TRAPPC9: variants seen among roughly 807,000 people sequenced by gnomAD.
TRAPPC9 encodes trafficking protein particle complex subunit 9, also known as IKK2 binding protein.
In TRAPPC9, 83 loss-of-function variants were observed where a neutral mutation model predicts 124.0. The observed-to-expected ratio is 0.67, with a 90% confidence interval of 0.56 to 0.80. The LOEUF is 0.80. TRAPPC9 is among the 30% of genes least tolerant of loss of function. The probability of loss-of-function intolerance (pLI) is 0.00; values close to 1 mark genes in which losing one functional copy is unlikely to be tolerated. For synonymous variants in TRAPPC9, 638 were observed against 617.5 expected (o/e 1.03, Z -0.49); for missense variants, 1,302 against 1,508.3 (o/e 0.86, Z 2.27).
intron 19 of TRAPPC9, among the ~76,000 whole-genome samples, chr8:139,925,802 AGCACAC>A (rs1055607324): frequency 5.9e-4 from 86 of 146,548 alleles, no homozygotes; most frequent in Middle Eastern, 3.4e-3. Context: ...TTGACTACCC[AGCACAC>A]GCACACGCAC....
intron 17 of TRAPPC9, among the ~76,000 whole-genome samples, chr8:140,147,974 TC>T (rs1258133958): frequency 6.6e-6 from 1 of 152,200 alleles, no homozygotes; most frequent in African/African-American, 2.4e-5. Context: ...ATGCACTTAT[TC>T]TCCTGCTCGA....
intron 21 of TRAPPC9, among the ~76,000 whole-genome samples, chr8:139,844,737 T>C (rs1826961571): frequency 6.6e-6 from 1 of 152,162 alleles, no homozygotes; most frequent in African/African-American, 2.4e-5. Flanking sequence ...GAAAATAGAA[T>C]TGTTTTTCAT....
chr8:140,224,406 T>G (rs2063401005), intron 16 of TRAPPC9, among the ~76,000 whole-genome samples: 1 of 152,188 alleles, frequency 6.6e-6, no homozygotes, highest in South Asian at 2.1e-4. Context: ...CCTGCAGATT[T>G]CAGAAGAGTT....
In TRAPPC9 at chr8:140,442,905, C is replaced by A. The variant is rs563630726; in HGVS notation, c.585-3708G>T. 1.7e-4 allele frequency among the ~76,000 whole-genome samples: 26 copies of A among 151,978 alleles called. 1 individual carries two copies. Among genetic ancestry groups the A allele is most frequent in the Non-Finnish European group, 2.9e-4 (20 of 67,970 alleles). On this transcript the variant is annotated intron_variant, in intron 2 of 22. Transcript: ENST00000438773. ...ATCCCAGCACTATGGGAGGCCGAGG[C>A]AGGCGGATCACAAAGTTAAGAGATA...
intron 7 of TRAPPC9, among the ~76,000 whole-genome samples, chr8:140,393,032 TTTTTATTTTATTTTA>T (rs200195467): frequency 0.039 from 5,425 of 138,064 alleles, 203 homozygotes; most frequent in African/African-American, 0.1. Flanking sequence ...TCCCATTTTA[TTTTTATTTTATTTTA>T]TTTTATTTTA....
intron 19 of TRAPPC9, among the ~76,000 whole-genome samples, chr8:139,939,630 G>A (rs889088119): frequency 4.6e-5 from 7 of 152,194 alleles, no homozygotes; most frequent in Non-Finnish European, 1.0e-4. Context: ...TGGCAGCCCC[G>A]TGTCCCAGGC....
intron 11 of TRAPPC9, among the ~76,000 whole-genome samples, chr8:140,298,847 T>C (rs1305249854): frequency 6.6e-6 from 1 of 152,232 alleles, no homozygotes; most frequent in Non-Finnish European, 1.5e-5. Flanking sequence ...TCATAATATG[T>C]ACCCCATCCA....
At chr8:139,830,171 C>T (rs56097365) in intron 21 of TRAPPC9, among the ~76,000 whole-genome samples, 15,607 of 152,256 alleles carry the variant, frequency 0.1, 868 homozygotes, top group South Asian at 0.13. Flanking sequence ...CTGACGTGCA[C>T]GTGCACACAC....
chr8:139,880,955 C>T (rs1829643960), intron 21 of TRAPPC9: 1 of 152,258 alleles, frequency 6.6e-6, no homozygotes, highest in Admixed American at 6.5e-5. Flanking sequence ...CTCCTGAAGG[C>T]AGAAATGCCT....
At chr8:140,154,174 C>T (rs191273261) in intron 17 of TRAPPC9, among the ~76,000 whole-genome samples, 1 of 152,274 alleles carries the variant, frequency 6.6e-6, no homozygotes, top group East Asian at 1.9e-4. Context: ...TCCCACGTGC[C>T]CTAGCTCAAG....
rs116070477 is a variant in TRAPPC9, at chr8:140,267,297, C to T, written c.2278+8361G>A. Among the ~76,000 whole-genome samples, 414 of 152,278 alleles carry T rather than the reference C, an allele frequency of 2.7e-3. 1 individual carries two copies. Among genetic ancestry groups the T allele is most frequent in the African/African-American group, 9.1e-3 (380 of 41,552 alleles). ...GCAGGCTCCTGCAGGCACCAGGCAC[C>T]GGCATGCAAACGTGGTCTGCAGAAA... On this transcript the variant is annotated intron_variant, in intron 15 of 22. Coordinates refer to ENST00000438773, the MANE Select transcript of TRAPPC9 (RefSeq NM_001160372.4).
intron 8 of TRAPPC9, among the ~76,000 whole-genome samples, chr8:140,368,401 CTT>C (rs2068183685): frequency 6.6e-6 from 1 of 152,210 alleles, no homozygotes; most frequent in South Asian, 2.1e-4. Flanking sequence ...GCTTTTATCA[CTT>C]GCCCAGAGTG....
intron 15 of TRAPPC9, among the ~76,000 whole-genome samples, chr8:140,269,973 AC>A (rs2064825571): frequency 6.6e-6 from 1 of 151,908 alleles, no homozygotes; most frequent in African/African-American, 2.4e-5. Flanking sequence ...GGTGGCAGGC[AC>A]CTGTAATCCC....
intron 18 of TRAPPC9, among the ~76,000 whole-genome samples, chr8:139,999,797 T>C (rs1347105214): frequency 6.6e-6 from 1 of 152,188 alleles, no homozygotes; most frequent in Admixed American, 6.5e-5. Flanking sequence ...GGAAATTTAA[T>C]CAATGCACTT....
intron 9 of TRAPPC9, among the ~76,000 whole-genome samples, chr8:140,359,075 C>T (rs2067847755): frequency 2.6e-5 from 4 of 152,130 alleles, no homozygotes; most frequent in Admixed American, 6.5e-5. Flanking sequence ...GAGAATGGCC[C>T]GGCCCCCTCA....
At chr8:140,298,648 T>C (rs2065878653) in intron 11 of TRAPPC9, among the ~76,000 whole-genome samples, 1 of 137,532 alleles carries the variant, frequency 7.3e-6, no homozygotes, top group Admixed American at 7.1e-5. Context: ...CTAGACCCTG[T>C]CTCAAAGAAA....
At chr8:140,368,517 T>A (rs1371770478) in intron 8 of TRAPPC9, among the ~76,000 whole-genome samples, 2 of 152,154 alleles carry the variant, frequency 1.3e-5, no homozygotes, top group Admixed American at 6.5e-5. Flanking sequence ...GGGAACTTGA[T>A]GGGACTTGGG....
chr8:140,128,213 C>T (rs867458892), intron 17 of TRAPPC9, among the ~76,000 whole-genome samples: 39 of 152,316 alleles, frequency 2.6e-4, no homozygotes, highest in Middle Eastern at 6.8e-3. Context: ...TAGAACAGTT[C>T]CATCACAATT....
At position 140,357,492 on chromosome 8, in the gene TRAPPC9, T is replaced by C. The variant is rs183637939; in HGVS notation, c.1495+2558A>G. ...GCTACAGGGGCAGAGGGACATGCCA[T>C]GGGTCAGGGATGGCACCCGAGATTC... On this transcript the variant is annotated intron_variant, in intron 9 of 22. Transcript: ENST00000438773. Among the ~76,000 whole-genome samples the C allele has an allele frequency of 9.9e-4, 150 of 151,712 alleles. 1 individual carries two copies. The East Asian group carries it at 0.022, about 22-fold the overall frequency.
Sources: gnomAD v4.1 joint callset for allele counts (sites outside exome capture counted in the v4.1 genomes callset) on GRCh38, gnomAD v4.1.1 for gene constraint, MANE v1.5 for transcripts, NCBI Gene and HGNC (gene_info 2026-07-23, HGNC 2026-07-21) for gene names.